TLR5: variants seen among roughly 807,000 people sequenced by gnomAD.
TLR5 encodes toll like receptor 5.
For synonymous variants in TLR5, 373 were observed against 384.4 expected, an observed-to-expected ratio of 0.97 and a Z score of 0.35; for missense variants, 944 against 999.8, an observed-to-expected ratio of 0.94 and a Z score of 0.75.
intron 4 of TLR5, among the ~76,000 whole-genome samples, chr1:223,133,491 C>G (rs1657473688): frequency 6.6e-6 from 1 of 152,178 alleles, no homozygotes; most frequent in Non-Finnish European, 1.5e-5. Context: ...GATGCTGCTG[C>G]TGGTCCACTG....
At chr1:223,117,112 G>A (rs567395149) in intron 5 of TLR5, among the ~76,000 whole-genome samples, 67 of 152,268 alleles carry the variant, frequency 4.4e-4, no homozygotes, top group African/African-American at 1.5e-3. Context: ...GCAGGCAGGC[G>A]GCTGAGGCCC....
Position 223,111,514 on chromosome 1 carries a change from A to T in TLR5, c.1518T>A (p.Val506=). The part of the protein sequence containing the change: ...DVFEGLSHLQ[V]LYLNHNYLNS... ...TAAGATAGTTATGATTCAAATACAG[A>T]ACTTGAAGATGAGAAAGTCCCTCAA... The change falls in exon 6 of 6, where the codon GTT becomes GTA. Residue 506 remains valine, a synonymous_variant. Coordinates refer to ENST00000642603, the MANE Select transcript of TLR5 (RefSeq NM_003268.6). The T allele has an allele frequency of 6.2e-7, 1 of 1,614,176 alleles. No individual in the cohort carries two copies. The highest frequency in any genetic ancestry group is 1.1e-5 in the South Asian group (1 of 91,084).
intron 5 of TLR5, among the ~76,000 whole-genome samples, chr1:223,117,119 G>A (rs1411589665): frequency 6.6e-6 from 1 of 152,150 alleles, no homozygotes; most frequent in Non-Finnish European, 1.5e-5. Context: ...GGCGGCTGAG[G>A]CCCGTCGAGA....
chr1:223,132,792 A>G (rs1356705620), intron 4 of TLR5, among the ~76,000 whole-genome samples, 153 bp from the exon 5 acceptor site: 1 of 152,226 alleles, frequency 6.6e-6, no homozygotes, highest in African/African-American at 2.4e-5. Context: ...GATCAAGACC[A>G]TTTTGTAAAT....
In TLR5 at chr1:223,110,547, G is replaced by A; in HGVS notation, c.2485C>T (p.Leu829Phe). 1 of 1,614,084 alleles carries A rather than the reference G, an allele frequency of 6.2e-7. No individual in the cohort carries two copies. Among genetic ancestry groups the A allele is most frequent in the Non-Finnish European group, 8.5e-7 (1 of 1,180,014 alleles). ...PEDLQDVGWFLHKLSQQILKK... is the reference protein window; with the variant it reads ...PEDLQDVGWFFHKLSQQILKK... ...AGTATCTGTTGAGAGAGTTTATGAA[G>A]AAACCAGCCAACATCCTGGAGATCC... Residue 829 changes from leucine to phenylalanine, a missense_variant, in exon 6 of 6, where the codon CTT (leucine) becomes TTT (phenylalanine). Physicochemically the swap from Leu to Phe is conservative, Grantham distance 22. Transcript: ENST00000642603.
intron 5 of TLR5, among the ~76,000 whole-genome samples, chr1:223,115,519 G>A (rs796974325): frequency 2.4e-4 from 37 of 152,336 alleles, no homozygotes; most frequent in South Asian, 1.2e-3. Context: ...TCAAAGTGCT[G>A]GGATTACAAA....
At chr1:223,132,278 A>G (rs851185) in intron 5 of TLR5, among the ~76,000 whole-genome samples, 197 bp downstream of exon 5, 102,362 of 152,066 alleles carry the variant, frequency 0.67, 35,426 homozygotes, top group African/African-American at 0.83. Flanking sequence ...CAGGAGGATC[A>G]TTAAGCCTAA....
chr1:223,142,098 A>C (rs1052595816), intron 1 of TLR5, among the ~76,000 whole-genome samples: 4 of 151,976 alleles, frequency 2.6e-5, no homozygotes, highest in African/African-American at 9.7e-5. Context: ...AGTCCAAGAG[A>C]TCTTGGACGC....
chr1:223,135,357 G>T (rs1253020855), intron 3 of TLR5, among the ~76,000 whole-genome samples: 1 of 152,218 alleles, frequency 6.6e-6, no homozygotes, highest in Admixed American at 6.5e-5. Flanking sequence ...ACTGCATGTG[G>T]AATCTGCCTG....
In TLR5 at chr1:223,132,553, G is replaced by T. The variant is rs937763662; in HGVS notation, c.-83C>A. The T allele has an allele frequency of 6.6e-6, 1 of 152,222 alleles. No individual in the cohort carries two copies. The highest frequency in any genetic ancestry group is 1.5e-5 in the Non-Finnish European group (1 of 68,024). The allele number at this position is 152,222 out of a possible 1,614,324, so 9.4% of individuals were successfully genotyped here. A position where few individuals can be genotyped will look rare whatever the true frequency, so the allele number is the denominator to read the frequency against. ...GGTCCCTGGTTGTTTAAAGACTTCA[G>T]TTCCTGAGACTATAGGAATCTCATC... On this transcript the variant is annotated 5_prime_UTR_variant, in exon 5 of 6. In the 5' UTR this introduces an upstream ATG that the reference lacks. Transcript: ENST00000642603.
At chr1:223,130,411 G>C (rs1489250538) in intron 5 of TLR5, among the ~76,000 whole-genome samples, 1 of 152,176 alleles carries the variant, frequency 6.6e-6, no homozygotes, top group African/African-American at 2.4e-5. Flanking sequence ...AATATCTGCT[G>C]AATGAATGAA....
chr1:223,135,163 A>AT (rs1657558274), intron 3 of TLR5, among the ~76,000 whole-genome samples: 1 of 152,134 alleles, frequency 6.6e-6, no homozygotes. Flanking sequence ...GTAAGCCCTG[A>AT]AGAGGTTGAG....
chr1:223,122,662 T>A (rs998732935), intron 5 of TLR5, among the ~76,000 whole-genome samples: 7 of 152,232 alleles, frequency 4.6e-5, no homozygotes, highest in African/African-American at 1.7e-4. Flanking sequence ...TAGGATGTTA[T>A]GGTGGGCTCT....
chr1:223,114,370 T>C (rs1292638570), intron 5 of TLR5, among the ~76,000 whole-genome samples: 1 of 152,230 alleles, frequency 6.6e-6, no homozygotes, highest in Admixed American at 6.5e-5. Context: ...CTACTATGCA[T>C]TCCATTTGCT....
rs1357866840 is a variant in TLR5, at chr1:223,110,704, C to G, written c.2328G>C (p.Gln776His). The change falls in exon 6 of 6, where the codon CAG (glutamine) becomes CAC (histidine). Residue 776 changes from glutamine (Q) to histidine (H), a missense_variant. Coordinates refer to ENST00000642603, the MANE Select transcript of TLR5 (RefSeq NM_003268.6). ...GWCLEAFSYA[Q>H]GRCLSDLNSA... ...TGTTAAGGTCAGATAAGCACCTGCC[C>G]TGGGCATAACTGAAGGCTTCAAGGC... 6.2e-7 allele frequency: 1 copy of G among 1,614,170 alleles called. No homozygotes were observed. Among genetic ancestry groups the G allele is most frequent in the Admixed American group, 1.7e-5 (1 of 60,030 alleles).
intron 5 of TLR5, among the ~76,000 whole-genome samples, chr1:223,121,455 A>C (rs1379876474): frequency 6.6e-6 from 1 of 152,194 alleles, no homozygotes; most frequent in Admixed American, 6.5e-5. Flanking sequence ...CATTCCTTAC[A>C]GGCACTCTGA....
At chr1:223,126,475 C>T (rs1281298033) in intron 5 of TLR5, among the ~76,000 whole-genome samples, 1 of 152,056 alleles carries the variant, frequency 6.6e-6, no homozygotes, top group African/African-American at 2.4e-5. Context: ...TTAAAATGGA[C>T]ATTTTTTATA....
Position 223,111,367 on chromosome 1 carries a change from T to A in TLR5, c.1665A>T (p.Ile555=). Residue 555 remains isoleucine, a synonymous_variant, in exon 6 of 6, where the codon ATA becomes ATT. Transcript: ENST00000642603. ...TAGGAGCTAGGAGCTGGTTCCTGGA[T>A]ATGTCCAGGATCTCTAAATTAGCAG... The part of the protein sequence containing the change: ...DLPANLEILD[I]SRNQLLAPNP... 2 of 1,614,006 alleles carry A rather than the reference T, an allele frequency of 1.2e-6. No individual in the cohort carries two copies. Among genetic ancestry groups the A allele is most frequent in the South Asian group, 2.2e-5 (2 of 91,088 alleles).
rs1276308037 is a variant in TLR5, at chr1:223,141,752, G to A, written c.-543C>T. 8.4e-5 allele frequency: 12 copies of A among 143,666 alleles called. No individual in the cohort carries two copies. Among genetic ancestry groups the A allele is most frequent in the South Asian group, 2.2e-4 (1 of 4,558 alleles). The allele number at this position is 143,666 out of a possible 1,614,324, so 8.9% of individuals were successfully genotyped here. On this transcript the variant is annotated 5_prime_UTR_variant, in exon 2 of 6. Transcript: ENST00000642603. ...TGTGTCACTGCAGTCCAGCCTGGGC[G>A]GCAGAGTGAGACTGTCTCAAAAAAA...
Sources: gnomAD v4.1 joint callset for allele counts (sites outside exome capture counted in the v4.1 genomes callset) on GRCh38, gnomAD v4.1.1 for gene constraint, MANE v1.5 for transcripts, NCBI Gene and HGNC (gene_info 2026-07-23, HGNC 2026-07-21) for gene names.